The following GRIN2A variants were observed in gnomAD, a reference collection of about 807,000 sequenced individuals.
GRIN2A encodes the protein glutamate ionotropic receptor NMDA type subunit 2A, also known as glutamate receptor ionotropic, NMDA 2A.
In GRIN2A, 22 loss-of-function variants were observed where a neutral mutation model predicts 113.4. The observed-to-expected ratio is 0.19, with a 90% CI of 0.14 to 0.28. The LOEUF (loss-of-function observed/expected upper bound fraction) is 0.28. GRIN2A is among the 10% of genes least tolerant of loss of function. GRIN2A has a pLI of 1.00. For missense variants in GRIN2A, 1,502 were observed against 1,887.0 expected (o/e 0.80, Z 3.78); for synonymous variants, 827 against 738.4 (o/e 1.12, Z -1.94).
In GRIN2A at chr16:9,780,389, C is replaced by G. The variant is rs149105635; in HGVS notation, c.2357-11300G>C. On this transcript the variant is annotated intron_variant, in intron 11 of 12. Transcript: ENST00000330684. ...GATAAATTTGTACGATAAAATACCA[C>G]CCAGCAACGAAAAAAAATAATGAGC... Among the ~76,000 whole-genome samples the G allele has an allele frequency of 3.3e-4, 50 of 152,252 alleles. No homozygotes were observed. In the Middle Eastern group the frequency reaches 0.017, roughly 52 times the overall value.
intron 2 of GRIN2A, among the ~76,000 whole-genome samples, chr16:10,170,564 C>T (rs1447434401): frequency 6.6e-6 from 1 of 152,144 alleles, no homozygotes. Flanking sequence ...AATCATCTCA[C>T]ATTTACTTGT....
At chr16:10,085,929 C>T (rs754232648) in intron 2 of GRIN2A, among the ~76,000 whole-genome samples, 3 of 152,174 alleles carry the variant, frequency 2.0e-5, no homozygotes, top group African/African-American at 4.8e-5. Flanking sequence ...AACCACAACA[C>T]TAGAATGAAT....
At chr16:10,043,682 A>T (rs1415427836) in intron 2 of GRIN2A, among the ~76,000 whole-genome samples, 1 of 152,068 alleles carries the variant, frequency 6.6e-6, no homozygotes, top group Non-Finnish European at 1.5e-5. Context: ...CACACAGCTT[A>T]GTGCTGAAGG....
rs1567266287 is a variant in GRIN2A, at chr16:10,055,046, T to TAAAAAAAAAAAA, written c.415-116496_415-116495insTTTTTTTTTTTT. On this transcript the variant is annotated intron_variant, in intron 2 of 12. Coordinates refer to ENST00000330684, the MANE Select transcript of GRIN2A (RefSeq NM_001134407.3). ...CCAGGCAACAGAGCGAGACTCTATC[T>TAAAAAAAAAAAA]CAAAAAAAAAAAAAAAAAAAAAAAA... Among the ~76,000 whole-genome samples the TAAAAAAAAAAAA allele has an allele frequency of 4.8e-4, 6 of 12,500 alleles. 1 individual carries two copies. The highest frequency in any genetic ancestry group is 6.7e-4 in the Non-Finnish European group (5 of 7,468). 8.2% of individuals were successfully genotyped at this position (12,500 alleles called of 152,430 possible).
rs1186965345 is a variant in GRIN2A at position 10,055,066 on chromosome 16, AAAAAAAAAAAAAAAAAAAAGAAAAAAG to A, written c.415-116542_415-116516del. 4.8e-4 allele frequency among the ~76,000 whole-genome samples: 39 copies of A among 80,650 alleles called. 4 individuals carry two copies. Among genetic ancestry groups the A allele is most frequent in the South Asian group, 3.8e-3 (8 of 2,116 alleles). 52.9% of individuals were successfully genotyped at this position (80,650 alleles called of 152,430 possible). ...CTATCTCAAAAAAAAAAAAAAAAAA[AAAAAAAAAAAAAAAAAAAAGAAAAAAG>A]AAAGAAAGAAAGAAAAAAGAAAAAA... On this transcript the variant is annotated intron_variant, in intron 2 of 12. Transcript: ENST00000330684.
intron 2 of GRIN2A, among the ~76,000 whole-genome samples, chr16:9,989,399 T>C (rs1166358468): frequency 6.8e-6 from 1 of 146,054 alleles, no homozygotes; most frequent in Non-Finnish European, 1.5e-5. Flanking sequence ...CCAAGATGGA[T>C]TAAAGACTTA....
chr16:9,778,317 C>G (rs1436938986), intron 11 of GRIN2A, among the ~76,000 whole-genome samples: 1 of 152,160 alleles, frequency 6.6e-6, no homozygotes. Flanking sequence ...CTGGAATCTG[C>G]TTAACCAATC....
chr16:9,951,281 C>G (rs1249759230), intron 2 of GRIN2A, among the ~76,000 whole-genome samples: 1 of 152,236 alleles, frequency 6.6e-6, no homozygotes, highest in Non-Finnish European at 1.5e-5. Flanking sequence ...TCACTCCCCC[C>G]ACTGAAGCTA....
intron 10 of GRIN2A, among the ~76,000 whole-genome samples, chr16:9,803,782 G>C (rs540737652): frequency 3.3e-5 from 5 of 152,298 alleles, no homozygotes; most frequent in African/African-American, 1.2e-4. Context: ...AAGTGGCATT[G>C]GAACCTATGC....
intron 2 of GRIN2A, among the ~76,000 whole-genome samples, chr16:9,983,613 G>T (rs369384460): frequency 2.0e-5 from 3 of 151,910 alleles, no homozygotes; most frequent in Non-Finnish European, 2.9e-5. Flanking sequence ...CTAATTTTTT[G>T]TATTTTTAGT....
intron 4 of GRIN2A, among the ~76,000 whole-genome samples, chr16:9,875,163 G>A (rs536953147): frequency 2.0e-5 from 3 of 151,854 alleles, no homozygotes; most frequent in South Asian, 2.1e-4. Flanking sequence ...GCAGCCTCTC[G>A]TCTCTTAAAA....
intron 2 of GRIN2A, among the ~76,000 whole-genome samples, chr16:10,030,297 A>G (rs1005061926): frequency 1.3e-5 from 2 of 152,188 alleles, no homozygotes; most frequent in African/African-American, 4.8e-5. Context: ...AAAATATAAT[A>G]TACCCCTGCT....
chr16:10,031,265 C>T (rs2046923673), intron 2 of GRIN2A: 1 of 152,248 alleles, frequency 6.6e-6, no homozygotes, highest in Non-Finnish European at 1.5e-5. Context: ...CCTGTTCCCA[C>T]CTCAGGGTCT....
intron 2 of GRIN2A, among the ~76,000 whole-genome samples, chr16:10,040,677 A>T (rs931238491): frequency 6.6e-6 from 1 of 152,110 alleles, no homozygotes; most frequent in Non-Finnish European, 1.5e-5. Context: ...TCACATGTGC[A>T]CACACAAACC....
At chr16:10,156,148 C>T (rs560958035) in intron 2 of GRIN2A, among the ~76,000 whole-genome samples, 74 of 152,288 alleles carry the variant, frequency 4.9e-4, no homozygotes, top group Non-Finnish European at 8.5e-4. Flanking sequence ...ACTTCTTTCT[C>T]CCTAGAAGAG....
intron 2 of GRIN2A, among the ~76,000 whole-genome samples, chr16:10,036,350 C>T (rs983835267): frequency 4.0e-5 from 6 of 151,432 alleles, no homozygotes; most frequent in Non-Finnish European, 7.4e-5. Flanking sequence ...CTATTTCATG[C>T]CTTTCTTCCA....
chr16:9,878,930 A>C (rs2043424981), intron 4 of GRIN2A, among the ~76,000 whole-genome samples: 2 of 152,054 alleles, frequency 1.3e-5, no homozygotes, highest in South Asian at 4.1e-4. Context: ...CACTTATTTC[A>C]GTTGAATGTG....
At chr16:10,173,263 G>A (rs8047898) in intron 2 of GRIN2A, among the ~76,000 whole-genome samples, 46,965 of 152,078 alleles carry the variant, frequency 0.31, 7,606 homozygotes, top group African/African-American at 0.34. Flanking sequence ...CGATCTGTGC[G>A]TCTGCCCTTT....
chr16:10,109,331 A>G (rs903826979), intron 2 of GRIN2A, among the ~76,000 whole-genome samples: 6 of 129,638 alleles, frequency 4.6e-5, no homozygotes, highest in Non-Finnish European at 7.0e-5. Context: ...GCTGCACTCT[A>G]TAAAACATTT....
Sources: gnomAD v4.1 joint callset for allele counts (sites outside exome capture counted in the v4.1 genomes callset) on GRCh38, gnomAD v4.1.1 for gene constraint, MANE v1.5 for transcripts, NCBI Gene and HGNC (gene_info 2026-07-23, HGNC 2026-07-21) for gene names.